The following LRRTM4 variants were observed in gnomAD, a reference collection of about 807,000 sequenced individuals.
LRRTM4 encodes the protein leucine rich repeat transmembrane neuronal 4, also known as leucine-rich repeat transmembrane neuronal protein 4.
Under a neutral mutation model 47.6 loss-of-function variants are expected in LRRTM4, and 25 were observed. The ratio of observed to expected loss-of-function variants is 0.53; its 90% confidence interval spans 0.38 to 0.73. The LOEUF is 0.73. Among genes scored for constraint, LRRTM4 ranks in the 30% least tolerant of loss-of-function variants. The pLI, the probability that LRRTM4 is intolerant of heterozygous loss-of-function variation, is 0.00. For synonymous variants in LRRTM4, 311 were observed against 269.5 expected (o/e 1.15, Z -1.51); for missense variants, 638 against 713.4 (o/e 0.89, Z 1.20).
chr2:77,140,254 A>G (rs1466188491), intron 3 of LRRTM4, among the ~76,000 whole-genome samples: 2 of 152,232 alleles, frequency 1.3e-5, no homozygotes, highest in Non-Finnish European at 2.9e-5. Flanking sequence ...CCAAAACAGC[A>G]TGGTACTGGT....
chr2:77,431,576 C>A (rs1050641421), intron 3 of LRRTM4, among the ~76,000 whole-genome samples: 2 of 148,996 alleles, frequency 1.3e-5, no homozygotes, highest in African/African-American at 5.2e-5. Flanking sequence ...AGCATCAACT[C>A]ACTCAAAAGT....
intron 3 of LRRTM4, among the ~76,000 whole-genome samples, chr2:76,779,383 T>G (rs1283668323): frequency 6.6e-6 from 1 of 151,066 alleles, no homozygotes; most frequent in Non-Finnish European, 1.5e-5. Flanking sequence ...CCATTATTAA[T>G]GTATGGGAGT....
At chr2:77,255,587 G>A (rs1031978597) in intron 3 of LRRTM4, among the ~76,000 whole-genome samples, 1 of 151,954 alleles carries the variant, frequency 6.6e-6, no homozygotes, top group Admixed American at 6.6e-5. Context: ...GACTGCAATG[G>A]CATCAGAGTA....
intron 3 of LRRTM4, among the ~76,000 whole-genome samples, chr2:77,369,791 C>T (rs1672595067): frequency 6.6e-6 from 1 of 151,668 alleles, no homozygotes; most frequent in Admixed American, 6.6e-5. Context: ...TTTACAGCCT[C>T]TTACTATACT....
chr2:77,365,527 C>T (rs1558709140), intron 3 of LRRTM4, among the ~76,000 whole-genome samples: 2 of 151,648 alleles, frequency 1.3e-5, no homozygotes, highest in African/African-American at 4.8e-5. Flanking sequence ...TGTAAGAACT[C>T]CACGTATGTA....
At chr2:76,881,963 G>A (rs901828173) in intron 3 of LRRTM4, among the ~76,000 whole-genome samples, 3 of 152,100 alleles carry the variant, frequency 2.0e-5, no homozygotes, top group African/African-American at 7.2e-5. Context: ...ATTGGTGAAA[G>A]TGGTCTTTCA....
chr2:77,446,942 G>A (rs1676075971), intron 3 of LRRTM4, among the ~76,000 whole-genome samples: 1 of 152,028 alleles, frequency 6.6e-6, no homozygotes, highest in East Asian at 1.9e-4. Context: ...AAATCAAATA[G>A]GTGTTTGTCA....
intron 3 of LRRTM4, among the ~76,000 whole-genome samples, chr2:76,897,125 C>T (rs867996455): frequency 5.9e-5 from 9 of 152,036 alleles, no homozygotes; most frequent in African/African-American, 2.2e-4. Flanking sequence ...AGTTTGAAAG[C>T]AATACACGTA....
intron 3 of LRRTM4, among the ~76,000 whole-genome samples, chr2:77,250,389 G>A (rs925963689): frequency 1.3e-5 from 2 of 152,076 alleles, no homozygotes; most frequent in Non-Finnish European, 2.9e-5. Context: ...TGAAAAAAGG[G>A]GAACATATGC....
chr2:76,882,449 T>C (rs953210925), intron 3 of LRRTM4, among the ~76,000 whole-genome samples: 2 of 152,002 alleles, frequency 1.3e-5, no homozygotes, highest in East Asian at 1.9e-4. Flanking sequence ...CCTTGCATTT[T>C]GGGAGACTGA....
intron 3 of LRRTM4, among the ~76,000 whole-genome samples, chr2:77,228,014 AC>A (rs1674861003): frequency 6.6e-6 from 1 of 152,084 alleles, no homozygotes; most frequent in South Asian, 2.1e-4. Context: ...AAAATAAAAT[AC>A]AAAGGGAATG....
intron 3 of LRRTM4, 54 bp from the exon 4 acceptor site, chr2:76,748,970 A>G: frequency 1.4e-6 from 2 of 1,415,788 alleles, no homozygotes; most frequent in African/African-American, 1.4e-5. Flanking sequence ...TTGGAAAGAT[A>G]GGACAGCACT....
intron 3 of LRRTM4, among the ~76,000 whole-genome samples, chr2:77,487,221 G>A (rs4542882): frequency 0.33 from 49,768 of 152,096 alleles, 8,337 homozygotes; most frequent in Middle Eastern, 0.35. Context: ...GCACTTCTGG[G>A]TGCATCTGCA....
At chr2:76,755,817 T>G (rs140810280) in intron 3 of LRRTM4, among the ~76,000 whole-genome samples, 108 of 152,222 alleles carry the variant, frequency 7.1e-4, no homozygotes, top group Non-Finnish European at 1.0e-3. Context: ...ATTCTATTTG[T>G]AAACTAAAAT....
At chr2:77,416,994 T>A (rs1018753463) in intron 3 of LRRTM4, among the ~76,000 whole-genome samples, 12 of 152,074 alleles carry the variant, frequency 7.9e-5, no homozygotes, top group African/African-American at 2.4e-4. Context: ...ATTCTACTCA[T>A]CTGACAAGGG....
chr2:77,502,849 G>A (rs1573501642), intron 3 of LRRTM4, among the ~76,000 whole-genome samples: 1 of 151,712 alleles, frequency 6.6e-6, no homozygotes, highest in South Asian at 2.1e-4. Context: ...GCTGGTGAAT[G>A]CGAATTCATT....
At chr2:76,812,104 T>C (rs1002094031) in intron 3 of LRRTM4, among the ~76,000 whole-genome samples, 1 of 152,136 alleles carries the variant, frequency 6.6e-6, no homozygotes, top group Admixed American at 6.6e-5. Flanking sequence ...TTGAACTTCA[T>C]AAAGCACTAA....
chr2:76,968,379 T>TACAC (rs1421193678), intron 3 of LRRTM4, among the ~76,000 whole-genome samples: 11 of 117,874 alleles, frequency 9.3e-5, no homozygotes, highest in African/African-American at 3.6e-4. Context: ...TATATATATA[T>TACAC]ATATACACAT....
At chr2:77,172,490 A>G (rs911807627) in intron 3 of LRRTM4, among the ~76,000 whole-genome samples, 7 of 152,148 alleles carry the variant, frequency 4.6e-5, no homozygotes, top group Admixed American at 4.6e-4. Flanking sequence ...GCTACTCCGG[A>G]GGCTGAGGCA....
Sources: gnomAD v4.1 joint callset for allele counts (sites outside exome capture counted in the v4.1 genomes callset) on GRCh38, gnomAD v4.1.1 for gene constraint, MANE v1.5 for transcripts, NCBI Gene and HGNC (gene_info 2026-07-23, HGNC 2026-07-21) for gene names.